The following CNTN5 variants were observed in gnomAD, a reference collection of about 807,000 sequenced individuals.
The protein encoded by CNTN5 is contactin 5.
A neutral mutation model predicts 129.1 loss-of-function variants in CNTN5; 77 were observed. The ratio of observed to expected loss-of-function variants is 0.60; its 90% confidence interval spans 0.50 to 0.72. The LOEUF is 0.72. Ranked by LOEUF, CNTN5 falls within the 30% of genes least tolerant of loss-of-function variation. CNTN5 has a pLI of 0.00. For synonymous variants in CNTN5, 509 were observed against 465.6 expected (o/e 1.09, Z -1.20); for missense variants, 1,478 against 1,328.8 (o/e 1.11, Z -1.75).
chr11:99,091,574 C>T (rs1866253718), intron 1 of CNTN5, among the ~76,000 whole-genome samples: 1 of 152,182 alleles, frequency 6.6e-6, no homozygotes, highest in Non-Finnish European at 1.5e-5. Flanking sequence ...CATAGTGAGG[C>T]TGCTTTGTGA....
chr11:100,123,128 A>AT (rs921996442), intron 13 of CNTN5, among the ~76,000 whole-genome samples: 23 of 150,396 alleles, frequency 1.5e-4, no homozygotes, highest in South Asian at 1.1e-3. Flanking sequence ...TTCCGATACT[A>AT]TTTTTTTTTC....
At chr11:100,272,732 G>A (rs184189340) in intron 18 of CNTN5, among the ~76,000 whole-genome samples, 105 of 152,198 alleles carry the variant, frequency 6.9e-4, no homozygotes, top group Middle Eastern at 6.8e-3. Flanking sequence ...CAGCACACCC[G>A]GATTTATTTC....
rs144620661 is a variant in CNTN5, at chr11:99,802,558, C to T, written c.56-16986C>T. 1.2e-3 allele frequency among the ~76,000 whole-genome samples: 181 copies of T among 152,196 alleles called. 1 individual carries two copies. The highest frequency in any genetic ancestry group is 4.0e-3 in the African/African-American group (167 of 41,540). On this transcript the variant is annotated intron_variant, in intron 3 of 24. Coordinates refer to ENST00000524871, the MANE Select transcript of CNTN5 (RefSeq NM_014361.4). ...CATGTTCTATGTACAAGGTTGGAGT[C>T]GGGGGTTGGAAGGAAACCTAAACTC...
intron 13 of CNTN5, among the ~76,000 whole-genome samples, chr11:100,190,629 C>T (rs1436281634): frequency 6.6e-6 from 1 of 152,050 alleles, no homozygotes; most frequent in East Asian, 1.9e-4. Context: ...CATACTCTTG[C>T]TACTCTGGTG....
chr11:99,545,673 C>T (rs761768105), intron 2 of CNTN5, among the ~76,000 whole-genome samples: 21 of 152,266 alleles, frequency 1.4e-4, no homozygotes, highest in Non-Finnish European at 2.5e-4. Context: ...TATTTATTAC[C>T]TCTCACTGTT....
chr11:99,029,272 T>C (rs989727769), intron 1 of CNTN5, among the ~76,000 whole-genome samples: 2 of 151,958 alleles, frequency 1.3e-5, no homozygotes, highest in Non-Finnish European at 2.9e-5. Context: ...GAAGGGGATA[T>C]TGAGATCTTT....
chr11:99,515,798 C>A (rs747436807), intron 2 of CNTN5, among the ~76,000 whole-genome samples: 4 of 151,888 alleles, frequency 2.6e-5, no homozygotes, highest in Non-Finnish European at 5.9e-5. Context: ...AAATAGGAAT[C>A]TTTAAGTTAG....
At chr11:100,259,407 G>A (rs1164038520) in intron 17 of CNTN5, among the ~76,000 whole-genome samples, 1 of 152,010 alleles carries the variant, frequency 6.6e-6, no homozygotes, top group African/African-American at 2.4e-5. Context: ...AATTAACAAG[G>A]ATATTCAGGA....
chr11:99,953,078 G>C (rs1950714464), intron 7 of CNTN5, among the ~76,000 whole-genome samples: 1 of 152,130 alleles, frequency 6.6e-6, no homozygotes. Flanking sequence ...AAAGAATGTT[G>C]AATCACTGTG....
At chr11:99,923,193 C>A (rs566115726) in intron 7 of CNTN5, among the ~76,000 whole-genome samples, 1 of 152,152 alleles carries the variant, frequency 6.6e-6, no homozygotes, top group Admixed American at 6.5e-5. Flanking sequence ...CCCAAGAGAT[C>A]AATATTAATC....
chr11:99,459,737 G>A (rs567061803), intron 2 of CNTN5, among the ~76,000 whole-genome samples: 1 of 152,122 alleles, frequency 6.6e-6, no homozygotes, highest in South Asian at 2.1e-4. Flanking sequence ...GGATAAGAAA[G>A]CAATGAAATA....
At chr11:100,299,913 A>G (rs78535949) in intron 20 of CNTN5, among the ~76,000 whole-genome samples, 3 of 151,634 alleles carry the variant, frequency 2.0e-5, no homozygotes, top group East Asian at 3.9e-4. Flanking sequence ...TATGAAATAG[A>G]CATTATTGCC....
At chr11:99,587,717 A>G (rs1050229964) in intron 3 of CNTN5, among the ~76,000 whole-genome samples, 2 of 151,370 alleles carry the variant, frequency 1.3e-5, no homozygotes, top group Admixed American at 6.6e-5. Flanking sequence ...GAATTTTTTT[A>G]AAAGTAATGA....
At chr11:100,056,191 A>G (rs1943213494) in intron 9 of CNTN5, among the ~76,000 whole-genome samples, 1 of 151,652 alleles carries the variant, frequency 6.6e-6, no homozygotes, top group South Asian at 2.1e-4. Flanking sequence ...ACCCATGACT[A>G]TTTTTACTCC....
chr11:100,151,155 C>A (rs993434416), intron 13 of CNTN5, among the ~76,000 whole-genome samples: 1 of 151,892 alleles, frequency 6.6e-6, no homozygotes, highest in Non-Finnish European at 1.5e-5. Flanking sequence ...ACTAAGACAT[C>A]CATTTTATAA....
At chr11:99,312,325 G>C (rs1261703784) in intron 1 of CNTN5, among the ~76,000 whole-genome samples, 1 of 151,992 alleles carries the variant, frequency 6.6e-6, no homozygotes, top group African/African-American at 2.4e-5. Context: ...AAATTATCTT[G>C]TCACTTACTT....
intron 3 of CNTN5, among the ~76,000 whole-genome samples, chr11:99,698,420 T>C (rs1350112026): frequency 6.6e-6 from 1 of 151,414 alleles, no homozygotes; most frequent in Non-Finnish European, 1.5e-5. Flanking sequence ...TGTAATAAAT[T>C]ATATTTATTT....
chr11:99,918,226 G>T (rs922809277), intron 7 of CNTN5, among the ~76,000 whole-genome samples: 3 of 151,276 alleles, frequency 2.0e-5, no homozygotes, highest in Non-Finnish European at 4.4e-5. Flanking sequence ...TTTTGCTTTC[G>T]CACACTGACA....
chr11:99,521,871 G>A (rs1327818050), intron 2 of CNTN5, among the ~76,000 whole-genome samples: 1 of 152,202 alleles, frequency 6.6e-6, no homozygotes, highest in African/African-American at 2.4e-5. Flanking sequence ...AGCTGGGGAT[G>A]AGTTTATCTG....
Sources: allele counts gnomAD v4.1 joint callset (sites outside exome capture counted in the v4.1 genomes callset), GRCh38; gene constraint gnomAD v4.1.1; transcripts MANE v1.5; gene names NCBI Gene and HGNC (gene_info 2026-07-23, HGNC 2026-07-21).